The following SUPT3H variants were observed in gnomAD, a reference collection of about 807,000 sequenced individuals.
SUPT3H encodes SPT3 homolog, SAGA and STAGA complex component.
SUPT3H carries 44 observed loss-of-function variants against 44.3 expected under a neutral mutation model. That is an observed-to-expected ratio of 0.99 (90% CI 0.78 to 1.28). The LOEUF is 1.28. Among genes scored for constraint, SUPT3H ranks in the 50% most tolerant of loss-of-function variants. SUPT3H has a pLI of 0.00. For missense variants in SUPT3H, 380 were observed against 387.1 expected, an observed-to-expected ratio of 0.98 and a Z score of 0.15; for synonymous variants, 124 against 125.6, an observed-to-expected ratio of 0.99 and a Z score of 0.09.
chr6:44,919,706 T>A (rs1296416507), intron 10 of SUPT3H, among the ~76,000 whole-genome samples: 2 of 152,206 alleles, frequency 1.3e-5, no homozygotes, highest in African/African-American at 2.4e-5. Flanking sequence ...CTACTTATTC[T>A]ATACGGCAAA....
intron 2 of SUPT3H, among the ~76,000 whole-genome samples, chr6:45,158,303 T>A (rs1371367769): frequency 0.039 from 3,376 of 86,084 alleles, 139 homozygotes; most frequent in Non-Finnish European, 0.059. Flanking sequence ...TATATATTTT[T>A]TTTTTTTTTT....
rs766933001 is a variant in SUPT3H, at chr6:44,932,700, C to T, written c.865G>A (p.Ala289Thr). ...ATCCTGTGGCTGTAGCGTCGAATGGCCTCTCTGATGTGGCAGGGCTGGATG... is the reference window on the plus strand; with the variant it reads ...ATCCTGTGGCTGTAGCGTCGAATGGTCTCTCTGATGTGGCAGGGCTGGATG... ...DAIQPCHIRE[A>T]IRRYSHRIGP... The change falls in exon 10 of 11, where the codon GCC (alanine) becomes ACC (threonine). Residue 289 changes from alanine (A) to threonine (T), a missense_variant. Transcript: ENST00000371459. The T allele has an allele frequency of 6.8e-6, 11 of 1,611,672 alleles. No individual in the cohort carries two copies. The highest frequency in any genetic ancestry group is 9.3e-6 in the Non-Finnish European group (11 of 1,179,004).
At position 45,187,983 on chromosome 6, in the gene SUPT3H, T is replaced by C. The variant is rs536213296; in HGVS notation, c.102-81977A>G. On this transcript the variant is annotated intron_variant, in intron 2 of 10. Transcript: ENST00000371459. ...ATAAGTTTTAAATTGCATACCATTC[T>C]GGGTAGCATGATGAAATCTCACTCT... is the stretch of plus-strand genomic sequence containing the variant. Among the ~76,000 whole-genome samples, 49 of 152,364 alleles carry C rather than the reference T, an allele frequency of 3.2e-4. No individual in the cohort carries two copies. In the South Asian group the frequency reaches 9.5e-3, roughly 30 times the overall value.
At chr6:44,812,126 G>A (rs1312963634) in intron 11 of SUPT3H, among the ~76,000 whole-genome samples, 2 of 152,180 alleles carry the variant, frequency 1.3e-5, no homozygotes, top group Non-Finnish European at 2.9e-5. Flanking sequence ...TACAAATTTA[G>A]TAGCATAAAT....
chr6:45,055,858 A>G (rs748030519), intron 3 of SUPT3H, among the ~76,000 whole-genome samples: 22 of 152,220 alleles, frequency 1.4e-4, no homozygotes, highest in Non-Finnish European at 2.9e-4. Flanking sequence ...TCTGCACAGC[A>G]AAAGAAATAA....
At position 45,243,197 on chromosome 6, in the gene SUPT3H, C is replaced by CAAAAAAAAAAAAAA. The variant is rs61643038; in HGVS notation, c.101+121990_101+122003dup. On this transcript the variant is annotated intron_variant, in intron 2 of 10. Transcript: ENST00000371459. ...TGGGAAACAGAGCGAGACTCCTTCT[C>CAAAAAAAAAAAAAA]AAAAAAAAAAAAAAAAAAAAAAAGC... Among the ~76,000 whole-genome samples, 2 of 72,564 alleles carry CAAAAAAAAAAAAAA rather than the reference C, an allele frequency of 2.8e-5. 1 individual carries two copies. The highest frequency in any genetic ancestry group is 4.0e-4 in the Admixed American group (2 of 5,044). 47.6% of individuals were successfully genotyped at this position (72,564 alleles called of 152,430 possible).
At chr6:44,870,508 A>T (rs1776202027) in intron 10 of SUPT3H, among the ~76,000 whole-genome samples, 1 of 150,256 alleles carries the variant, frequency 6.7e-6, no homozygotes, top group South Asian at 2.1e-4. Flanking sequence ...CTGAGGTGAG[A>T]TGAGCACTTG....
chr6:45,260,664 C>G (rs1395854573), intron 2 of SUPT3H, among the ~76,000 whole-genome samples: 1 of 152,014 alleles, frequency 6.6e-6, no homozygotes, highest in African/African-American at 2.4e-5. Flanking sequence ...ACAGCTTCCA[C>G]CAACTTCTTG....
chr6:45,124,941 G>T (rs774952116), intron 2 of SUPT3H, among the ~76,000 whole-genome samples: 33 of 152,098 alleles, frequency 2.2e-4, no homozygotes, highest in Non-Finnish European at 4.3e-4. Context: ...CACACAGAGG[G>T]AAGGCAATAT....
At chr6:44,888,660 T>C (rs1762747514) in intron 10 of SUPT3H, among the ~76,000 whole-genome samples, 1 of 152,018 alleles carries the variant, frequency 6.6e-6, no homozygotes, top group South Asian at 2.1e-4. Context: ...GCCAATATCA[T>C]ACTGAATGGG....
chr6:45,016,312 TA>T (rs1274716598), intron 4 of SUPT3H, among the ~76,000 whole-genome samples: 1 of 151,984 alleles, frequency 6.6e-6, no homozygotes, highest in African/African-American at 2.4e-5. Context: ...TACCTGACTA[TA>T]ATTGTTTTTT....
In SUPT3H at chr6:45,162,374, C is replaced by G. The variant is rs529127331; in HGVS notation, c.102-56368G>C. 5.6e-4 allele frequency among the ~76,000 whole-genome samples: 85 copies of G among 151,918 alleles called. No homozygotes were observed. The Middle Eastern group carries it at 0.01, about 18-fold the overall frequency. On this transcript the variant is annotated intron_variant, in intron 2 of 10. Coordinates refer to ENST00000371459, the MANE Select transcript of SUPT3H (RefSeq NM_003599.4). ...TCCCTTCTCTACAAAAATAAAAACT[C>G]TTAGCCAGCTGGGGTGGTGTGCACC... is the stretch of plus-strand genomic sequence containing the variant.
chr6:45,120,076 GAAGAGGTTAACT>G (rs1801396815), intron 2 of SUPT3H, among the ~76,000 whole-genome samples: 1 of 151,934 alleles, frequency 6.6e-6, no homozygotes, highest in Non-Finnish European at 1.5e-5. Flanking sequence ...TTCAAGACTT[GAAGAGGTTAACT>G]AAATTACCCA....
At chr6:45,158,298 A>ATATATATATATATATTTTT in intron 2 of SUPT3H, among the ~76,000 whole-genome samples, 2 of 99,686 alleles carry the variant, frequency 2.0e-5, no homozygotes, top group African/African-American at 1.0e-4. Context: ...ATATATATAT[A>ATATATATATATATATTTTT]TTTTTTTTTT....
intron 2 of SUPT3H, among the ~76,000 whole-genome samples, chr6:45,144,595 A>C (rs1394632469): frequency 2.0e-5 from 3 of 152,268 alleles, no homozygotes; most frequent in East Asian, 3.9e-4. Context: ...AAATGGAACA[A>C]GACAAGGATG....
intron 2 of SUPT3H, among the ~76,000 whole-genome samples, chr6:45,203,182 A>C (rs1211655296): frequency 1.3e-5 from 2 of 152,186 alleles, no homozygotes; most frequent in Non-Finnish European, 2.9e-5. Flanking sequence ...CGAGGAACAC[A>C]GGCACTGAGG....
At chr6:44,870,927 G>A (rs994920229) in intron 10 of SUPT3H, among the ~76,000 whole-genome samples, 1 of 151,724 alleles carries the variant, frequency 6.6e-6, no homozygotes, top group Non-Finnish European at 1.5e-5. Flanking sequence ...CCCGAATATT[G>A]CGCTTTTCAG....
intron 2 of SUPT3H, among the ~76,000 whole-genome samples, chr6:45,120,430 A>AAAAAAAAAAAAAAAC: frequency 6.8e-6 from 1 of 148,134 alleles, no homozygotes; most frequent in Non-Finnish European, 1.5e-5. Context: ...AAAAAAAAAA[A>AAAAAAAAAAAAAAAC]AAAAAAAAAA....
intron 11 of SUPT3H, among the ~76,000 whole-genome samples, chr6:44,819,888 A>T (rs1037784723): frequency 6.6e-6 from 1 of 152,192 alleles, no homozygotes; most frequent in Non-Finnish European, 1.5e-5. Context: ...GCTAACCTGG[A>T]GCTGTGGTAA....
Sources: gnomAD v4.1 joint callset for allele counts (sites outside exome capture counted in the v4.1 genomes callset) on GRCh38, gnomAD v4.1.1 for gene constraint, MANE v1.5 for transcripts, NCBI Gene and HGNC (gene_info 2026-07-23, HGNC 2026-07-21) for gene names.